UNC5D: variants seen among roughly 807,000 people sequenced by gnomAD.
The protein encoded by UNC5D is netrin receptor UNC5D.
A neutral mutation model predicts 105.4 loss-of-function variants in UNC5D; 39 were observed. The ratio of observed to expected loss-of-function variants is 0.37; its 90% CI spans 0.29 to 0.48. The LOEUF (loss-of-function observed/expected upper bound fraction) is 0.48, where lower values mean the gene tolerates loss of function less well. Ranked by LOEUF, UNC5D falls within the 20% of genes least tolerant of loss-of-function variation. UNC5D has a pLI of 0.98. For synonymous variants in UNC5D, 452 were observed against 450.4 expected (o/e 1.00, Z -0.04); for missense variants, 991 against 1,202.4 (o/e 0.82, Z 2.60).
At chr8:35,342,758 T>A (rs1811540358) in intron 1 of UNC5D, among the ~76,000 whole-genome samples, 2 of 152,096 alleles carry the variant, frequency 1.3e-5, no homozygotes. Flanking sequence ...GGGGAGACAC[T>A]GTGCTCGATC....
At position 35,795,784 on chromosome 8, in the gene UNC5D, G is replaced by A. The variant is rs972753927; in HGVS notation, c.*5221G>A. 3 of 152,212 alleles carry A rather than the reference G, an allele frequency of 2.0e-5. No individual in the cohort carries two copies. Among genetic ancestry groups the A allele is most frequent in the Middle Eastern group, 3.4e-3 (1 of 294 alleles). 9.4% of individuals were successfully genotyped at this position (152,212 alleles called of 1,614,324 possible). ...CTCAGAATCTGGGAATTTTCTGGTT[G>A]GAAGAACAATGTTCTCCTTTTCCAA... is the stretch of plus-strand genomic sequence containing the variant. On this transcript the variant is annotated 3_prime_UTR_variant, in exon 17 of 17. Transcript: ENST00000404895.
intron 1 of UNC5D, among the ~76,000 whole-genome samples, chr8:35,468,886 T>C (rs992456081): frequency 2.6e-5 from 4 of 152,188 alleles, no homozygotes; most frequent in African/African-American, 9.7e-5. Flanking sequence ...CCAGGTGAGT[T>C]AGAAGAAAAC....
chr8:35,758,667 C>A (rs778596490), intron 13 of UNC5D, among the ~76,000 whole-genome samples: 3 of 152,126 alleles, frequency 2.0e-5, no homozygotes, highest in Non-Finnish European at 2.9e-5. Context: ...GATTGTATTA[C>A]GTAAAGATTT....
chr8:35,372,142 G>T (rs550763516), intron 1 of UNC5D, among the ~76,000 whole-genome samples: 169 of 151,924 alleles, frequency 1.1e-3, no homozygotes, highest in African/African-American at 3.9e-3. Context: ...CATTTTTTTT[G>T]AGACGGAGTC....
chr8:35,637,114 G>GT (rs1822428714), intron 4 of UNC5D, among the ~76,000 whole-genome samples: 1 of 152,116 alleles, frequency 6.6e-6, no homozygotes, highest in African/African-American at 2.4e-5. Context: ...CCAAGTAGAG[G>GT]TGCAATCACC....
At chr8:35,778,224 T>A (rs1802345735) in intron 16 of UNC5D, among the ~76,000 whole-genome samples, 1 of 152,206 alleles carries the variant, frequency 6.6e-6, no homozygotes, top group Non-Finnish European at 1.5e-5. Flanking sequence ...CTGGTGTGGT[T>A]ACAGCAGAGC....
At chr8:35,585,168 A>G (rs1372740341) in intron 3 of UNC5D, among the ~76,000 whole-genome samples, 1 of 152,208 alleles carries the variant, frequency 6.6e-6, no homozygotes. Context: ...ACACAGTGCT[A>G]GTTATAAAAT....
At chr8:35,272,469 G>A (rs900223102) in intron 1 of UNC5D, among the ~76,000 whole-genome samples, 15 of 152,168 alleles carry the variant, frequency 9.9e-5, no homozygotes, top group East Asian at 3.9e-4. Context: ...TGGATTCCAC[G>A]GGGAGCTCTG....
intron 1 of UNC5D, among the ~76,000 whole-genome samples, chr8:35,545,470 T>A (rs1379798213): frequency 6.6e-6 from 1 of 152,076 alleles, no homozygotes. Flanking sequence ...AGGGGTGTCC[T>A]CCTGGAGAGG....
intron 7 of UNC5D, among the ~76,000 whole-genome samples, chr8:35,704,966 T>C (rs11986538): frequency 0.047 from 6,816 of 144,842 alleles, 407 homozygotes; most frequent in African/African-American, 0.14. Flanking sequence ...ATGCCTTTTT[T>C]TTTTTTTTTT....
chr8:35,428,091 G>T (rs1354106813), intron 1 of UNC5D, among the ~76,000 whole-genome samples: 2 of 152,104 alleles, frequency 1.3e-5, no homozygotes, highest in Non-Finnish European at 2.9e-5. Context: ...AAAGTTAAGA[G>T]CAAGGTTAAG....
intron 1 of UNC5D, among the ~76,000 whole-genome samples, chr8:35,541,806 C>G (rs1815296213): frequency 6.6e-6 from 1 of 152,062 alleles, no homozygotes; most frequent in Non-Finnish European, 1.5e-5. Flanking sequence ...TCCCTAGTAC[C>G]TAGAACATTG....
intron 1 of UNC5D, among the ~76,000 whole-genome samples, chr8:35,266,761 C>T (rs1804902899): frequency 2.0e-5 from 3 of 151,814 alleles, no homozygotes; most frequent in Admixed American, 1.3e-4. Flanking sequence ...ACTCATATAT[C>T]TAATACCTTG....
intron 1 of UNC5D, among the ~76,000 whole-genome samples, chr8:35,344,750 C>T (rs947867942): frequency 6.6e-5 from 10 of 151,972 alleles, no homozygotes; most frequent in African/African-American, 2.4e-4. Context: ...GCTTCAGATC[C>T]TTTACATTTT....
chr8:35,492,537 T>A (rs953434860), intron 1 of UNC5D, among the ~76,000 whole-genome samples: 2 of 152,062 alleles, frequency 1.3e-5, no homozygotes, highest in African/African-American at 4.8e-5. Flanking sequence ...TTCCTCTTCC[T>A]CTGAAAGAGG....
intron 1 of UNC5D, among the ~76,000 whole-genome samples, chr8:35,413,294 G>GTGT (rs1805315102): frequency 1.5e-5 from 2 of 137,782 alleles, no homozygotes; most frequent in African/African-American, 2.8e-5. Flanking sequence ...TGTGTGTGTT[G>GTGT]TGTGTGTGTG....
chr8:35,714,577 A>G (rs2131501200), intron 8 of UNC5D, among the ~76,000 whole-genome samples: 1 of 152,374 alleles, frequency 6.6e-6, no homozygotes, highest in East Asian at 1.9e-4. Context: ...GGTAGTTACT[A>G]AACAATCAGT....
At chr8:35,745,565 C>T (rs1166004550) in intron 11 of UNC5D, among the ~76,000 whole-genome samples, 1 of 152,152 alleles carries the variant, frequency 6.6e-6, no homozygotes, top group Non-Finnish European at 1.5e-5. Flanking sequence ...ATGACAATTG[C>T]ATGAATTAGT....
chr8:35,324,277 TC>T (rs1323039323), intron 1 of UNC5D, among the ~76,000 whole-genome samples: 34 of 146,072 alleles, frequency 2.3e-4, no homozygotes, highest in African/African-American at 6.2e-4. Flanking sequence ...TGATGAGTCA[TC>T]CTATTATCTA....
Sources: allele counts gnomAD v4.1 joint callset (sites outside exome capture counted in the v4.1 genomes callset), GRCh38; gene constraint gnomAD v4.1.1; transcripts MANE v1.5; gene names NCBI Gene and HGNC (gene_info 2026-07-23, HGNC 2026-07-21).